Variants in GABRB3 observed in about 807,000 individuals in gnomAD.
GABRB3 encodes gamma-aminobutyric acid receptor subunit beta-3.
A neutral mutation model predicts 52.1 loss-of-function variants in GABRB3; 14 were observed. The ratio of observed to expected loss-of-function variants is 0.27; its 90% CI spans 0.18 to 0.42. GABRB3 has a LOEUF of 0.42. Ranked by LOEUF, GABRB3 falls within the 10% of genes least tolerant of loss-of-function variation. The probability of loss-of-function intolerance (pLI) is 1.00; values close to 1 mark genes in which losing one functional copy is unlikely to be tolerated. For missense variants in GABRB3, 307 were observed against 609.1 expected (o/e 0.50, Z 5.22); for synonymous variants, 260 against 232.3 (o/e 1.12, Z -1.08).
intron 3 of GABRB3, among the ~76,000 whole-genome samples, chr15:26,630,457 G>T (rs973528002): frequency 6.6e-6 from 1 of 152,152 alleles, no homozygotes; most frequent in Non-Finnish European, 1.5e-5. Flanking sequence ...GAATTATAGT[G>T]GTTTGAACTA....
chr15:26,596,974 A>G lies in GABRB3; in HGVS notation c.462-13560T>C, dbSNP rs150744702. Among the ~76,000 whole-genome samples, 299 of 152,332 alleles carry G rather than the reference A, an allele frequency of 2.0e-3. 6 individuals carry two copies. The East Asian group carries it at 0.037, about 19-fold the overall frequency. ...CTCGAGGCAGTGTAGTGTATAATAC[A>G]GCAAGGGGGGCTGAGCAGGCTCATG... On this transcript the variant is annotated intron_variant, in intron 4 of 8. Coordinates refer to ENST00000311550, the MANE Select transcript of GABRB3 (RefSeq NM_000814.6).
intron 3 of GABRB3, among the ~76,000 whole-genome samples, chr15:26,675,919 A>T (rs1415608686): frequency 6.6e-6 from 1 of 152,198 alleles, no homozygotes; most frequent in Non-Finnish European, 1.5e-5. Flanking sequence ...GTTCTTGCTA[A>T]AAGTTTCCAA....
chr15:26,597,791 G>A lies in GABRB3; in HGVS notation c.462-14377C>T, dbSNP rs140504930. 2.0e-3 allele frequency among the ~76,000 whole-genome samples: 298 copies of A among 152,308 alleles called. 6 individuals are homozygous for A. The East Asian group carries it at 0.036, about 19-fold the overall frequency. On this transcript the variant is annotated intron_variant, in intron 4 of 8. Coordinates refer to ENST00000311550, the MANE Select transcript of GABRB3 (RefSeq NM_000814.6). ...CCAAGTCAGAGTATGAAGCCACCAGGAAACAGTATCAGTTAATGTAAAACT... is the reference window on the plus strand; with the variant it reads ...CCAAGTCAGAGTATGAAGCCACCAGAAAACAGTATCAGTTAATGTAAAACT...
intron 3 of GABRB3, among the ~76,000 whole-genome samples, chr15:26,694,849 G>T (rs1308023925): frequency 6.6e-6 from 1 of 152,128 alleles, no homozygotes; most frequent in Non-Finnish European, 1.5e-5. Context: ...TGTAAGCAGA[G>T]GGATAAAGAC....
At chr15:26,734,923 C>T (rs1257999736) in intron 3 of GABRB3, among the ~76,000 whole-genome samples, 1 of 152,036 alleles carries the variant, frequency 6.6e-6, no homozygotes, top group Non-Finnish European at 1.5e-5. Flanking sequence ...CAAAACAAAA[C>T]AAAACAAAAC....
intron 2 of GABRB3, 95 bp from the exon 3 acceptor site, chr15:26,772,564 G>T (rs529014190): frequency 6.9e-7 from 1 of 1,455,552 alleles, no homozygotes; most frequent in Non-Finnish European, 9.3e-7. Flanking sequence ...GGGCGCGGGC[G>T]AAGGGCCCCC....
chr15:26,737,996 T>C (rs1219482018), intron 3 of GABRB3, among the ~76,000 whole-genome samples: 1 of 152,200 alleles, frequency 6.6e-6, no homozygotes, highest in Admixed American at 6.5e-5. Flanking sequence ...TGTGGTTGAT[T>C]GCTGGAAGAG....
chr15:26,583,233 CA>C, intron 5 of GABRB3, 98 bp downstream of exon 5: 17 of 965,954 alleles, frequency 1.8e-5, no homozygotes, highest in Middle Eastern at 2.1e-4. Context: ...CTTTCTATGT[CA>C]AAAAAATTAT....
intron 3 of GABRB3, among the ~76,000 whole-genome samples, chr15:26,768,949 C>T (rs1024676086): frequency 1.3e-5 from 2 of 152,096 alleles, no homozygotes; most frequent in South Asian, 4.1e-4. Context: ...ATTGTTTCCA[C>T]AAAACACCAA....
rs143876432 is a variant in GABRB3, at chr15:26,768,797, A to G, written c.240+3605T>C. On this transcript the variant is annotated intron_variant, in intron 3 of 8. Transcript: ENST00000311550. ...ATTTTCTTTGACAAGTATCAGGTCA[A>G]CTAATTTTTAAAAAAAAAGAATGTA... Among the ~76,000 whole-genome samples, 301 of 152,268 alleles carry G rather than the reference A, an allele frequency of 2.0e-3. 1 individual carries two copies. Among genetic ancestry groups the G allele is most frequent in the African/African-American group, 6.4e-3 (264 of 41,548 alleles).
At chr15:26,765,349 G>A (rs1431350797) in intron 3 of GABRB3, among the ~76,000 whole-genome samples, 1 of 151,956 alleles carries the variant, frequency 6.6e-6, no homozygotes, top group Non-Finnish European at 1.5e-5. Flanking sequence ...CAGTGAAAGG[G>A]GTACCAGCTA....
chr15:26,629,306 A>G, intron 3 of GABRB3: 1 of 743,218 alleles, frequency 1.3e-6, no homozygotes, highest in Non-Finnish European at 2.0e-6. Flanking sequence ...CGTAGCGGAA[A>G]AGGCGTGGCC....
chr15:26,648,756 G>T (rs868681166), intron 3 of GABRB3, among the ~76,000 whole-genome samples: 3 of 152,352 alleles, frequency 2.0e-5, no homozygotes, highest in Non-Finnish European at 2.9e-5. Flanking sequence ...TCAGCAGGGC[G>T]AGGCAGGAGA....
intron 3 of GABRB3, among the ~76,000 whole-genome samples, chr15:26,760,111 C>A (rs1890773933): frequency 6.6e-6 from 1 of 152,202 alleles, no homozygotes; most frequent in Non-Finnish European, 1.5e-5. Context: ...GGGTTCTACA[C>A]CCACCATGCT....
chr15:26,567,463 G>C lies in GABRB3; in HGVS notation c.835+118C>G, dbSNP rs531438808. 4 of 903,320 alleles carry C rather than the reference G, an allele frequency of 4.4e-6. No individual in the cohort carries two copies. The South Asian group carries it at 5.6e-5, about 13-fold the overall frequency. 56.0% of individuals were successfully genotyped at this position (903,320 alleles called of 1,614,324 possible). A position where few individuals can be genotyped will look rare whatever the true frequency, so the allele number is the denominator to read the frequency against. ...TTTCAAGATAAAAAGTGACTATACA[G>C]GCAATGCTTGTGTCACGCTGTCAAA... On this transcript the variant is annotated intron_variant, in intron 7 of 8. Coordinates refer to ENST00000311550, the MANE Select transcript of GABRB3 (RefSeq NM_000814.6).
intron 3 of GABRB3, among the ~76,000 whole-genome samples, chr15:26,724,160 C>T (rs111557713): frequency 6.6e-6 from 1 of 152,322 alleles, no homozygotes; most frequent in African/African-American, 2.4e-5. Context: ...GAACATTCTG[C>T]CCATCTTCTA....
chr15:26,713,851 CAGGGGAAGAGACCCAAG>C (rs1889382833), intron 3 of GABRB3, among the ~76,000 whole-genome samples: 1 of 152,212 alleles, frequency 6.6e-6, no homozygotes, highest in Non-Finnish European at 1.5e-5. Context: ...CACACACCCT[CAGGGGAAGAGACCCAAG>C]AAGGAAGCAA....
chr15:26,577,906 C>T (rs1484329422), intron 6 of GABRB3, among the ~76,000 whole-genome samples: 2 of 152,190 alleles, frequency 1.3e-5, no homozygotes, highest in Admixed American at 6.5e-5. Flanking sequence ...CCCACTTCAG[C>T]CTCCTGAATA....
intron 3 of GABRB3, among the ~76,000 whole-genome samples, chr15:26,663,452 A>T (rs1887610413): frequency 6.6e-6 from 1 of 152,162 alleles, no homozygotes; most frequent in Non-Finnish European, 1.5e-5. Context: ...CGCTACACTG[A>T]TGTTTTAAAT....
Sources: gnomAD v4.1 joint callset for allele counts (sites outside exome capture counted in the v4.1 genomes callset) on GRCh38, gnomAD v4.1.1 for gene constraint, MANE v1.5 for transcripts, NCBI Gene and HGNC (gene_info 2026-07-23, HGNC 2026-07-21) for gene names.